Variants in DIS3L2 observed in about 807,000 individuals in gnomAD.
DIS3L2 encodes DIS3 like 3'-5' exoribonuclease 2.
In DIS3L2, 34 loss-of-function variants were observed where a neutral mutation model predicts 97.5. That is an observed-to-expected ratio of 0.35 (90% CI 0.27 to 0.46). The LOEUF (loss-of-function observed/expected upper bound fraction) is 0.46. Among genes scored for constraint, DIS3L2 ranks in the 20% least tolerant of loss-of-function variants. The pLI, the probability that DIS3L2 is intolerant of heterozygous loss-of-function variation, is 1.00. For missense variants in DIS3L2, 1,038 were observed against 1,146.0 expected (o/e 0.91, Z 1.36); for synonymous variants, 435 against 445.2 (o/e 0.98, Z 0.29).
chr2:232,013,996 T>G (rs1694283308), intron 1 of DIS3L2, among the ~76,000 whole-genome samples: 1 of 152,248 alleles, frequency 6.6e-6, no homozygotes, highest in African/African-American at 2.4e-5. Flanking sequence ...CAGAATGACA[T>G]CTTGATTCAT....
chr2:232,007,420 C>T (rs1475800885), intron 1 of DIS3L2, among the ~76,000 whole-genome samples: 1 of 152,160 alleles, frequency 6.6e-6, no homozygotes, highest in African/African-American at 2.4e-5. Context: ...ACTGCAGCCT[C>T]CACCTCTCAG....
At chr2:232,261,584 G>C (rs984797423) in intron 12 of DIS3L2, among the ~76,000 whole-genome samples, 1 of 152,194 alleles carries the variant, frequency 6.6e-6, no homozygotes, top group Admixed American at 6.5e-5. Context: ...CTGGGAGTAA[G>C]AAGAGCTAGA....
At chr2:232,102,593 C>T (rs1697236391) in intron 6 of DIS3L2, among the ~76,000 whole-genome samples, 1 of 152,176 alleles carries the variant, frequency 6.6e-6, no homozygotes, top group South Asian at 2.1e-4. Context: ...TGTGCAAACA[C>T]ACGTGCATAT....
chr2:232,204,241 G>C (rs965528568), intron 9 of DIS3L2, among the ~76,000 whole-genome samples: 2 of 152,206 alleles, frequency 1.3e-5, no homozygotes, highest in African/African-American at 4.8e-5. Context: ...AAAGGAGGTA[G>C]AGATGTTAAT....
intron 3 of DIS3L2, among the ~76,000 whole-genome samples, chr2:232,017,390 C>T (rs1191560223): frequency 6.6e-6 from 1 of 152,194 alleles, no homozygotes; most frequent in African/African-American, 2.4e-5. Context: ...TGAGCCACCA[C>T]ACCCAGCCCT....
intron 14 of DIS3L2, 28 bp from the exon 15 acceptor site, chr2:232,329,785 T>TACCCGGGGGGGGCC: frequency 2.1e-6 from 2 of 967,144 alleles, no homozygotes; most frequent in Non-Finnish European, 1.5e-6. Flanking sequence ...ACCCCAGCGG[T>TACCCGGGGGGGGCC]CCCTCCCATC....
intron 9 of DIS3L2, among the ~76,000 whole-genome samples, chr2:232,189,429 G>A (rs1691549540): frequency 6.6e-6 from 1 of 152,174 alleles, no homozygotes; most frequent in African/African-American, 2.4e-5. Context: ...CAACAGCTTG[G>A]ATGGATCTTC....
chr2:232,341,781 C>T (rs1696106200), downstream of DIS3L2, among the ~76,000 whole-genome samples: 1 of 149,868 alleles, frequency 6.7e-6, no homozygotes. Context: ...GTTGCAGGCC[C>T]AGGCCTTAAG....
At chr2:232,257,399 T>C (rs955584803) in intron 12 of DIS3L2, among the ~76,000 whole-genome samples, 1 of 152,198 alleles carries the variant, frequency 6.6e-6, no homozygotes, top group African/African-American at 2.4e-5. Flanking sequence ...TTCAGACACT[T>C]GCTTCTTGGC....
At chr2:232,020,711 A>G (rs1248969352) in intron 3 of DIS3L2, among the ~76,000 whole-genome samples, 1 of 152,100 alleles carries the variant, frequency 6.6e-6, no homozygotes, top group Non-Finnish European at 1.5e-5. Flanking sequence ...CTTGAATGTG[A>G]TGTGAAAGCG....
chr2:232,196,392 A>C (rs1448322264), intron 9 of DIS3L2, among the ~76,000 whole-genome samples: 1 of 152,232 alleles, frequency 6.6e-6, no homozygotes, highest in African/African-American at 2.4e-5. Context: ...AAATAATCTC[A>C]ATATTTTATA....
intron 9 of DIS3L2, among the ~76,000 whole-genome samples, chr2:232,185,948 G>A (rs944229254): frequency 1.4e-4 from 21 of 151,684 alleles, no homozygotes; most frequent in Middle Eastern, 7.0e-3. Context: ...ATTGGAAAAC[G>A]GTAGAGAAAA....
intron 5 of DIS3L2, among the ~76,000 whole-genome samples, chr2:232,077,955 C>CCCTTTCTTTCTTTCTTTCTT (rs1315257446): frequency 9.2e-6 from 1 of 108,772 alleles, no homozygotes; most frequent in Non-Finnish European, 1.8e-5. Flanking sequence ...TTCTTTCTTT[C>CCCTTTCTTTCTTTCTTTCTT]TCTTTCTTTC....
At chr2:232,024,362 G>T in intron 4 of DIS3L2, 32 bp downstream of exon 4, 1 of 1,522,242 alleles carries the variant, frequency 6.6e-7, no homozygotes, top group Non-Finnish European at 9.0e-7. Flanking sequence ...TAAACTTTAT[G>T]TCACATTTAA....
In DIS3L2 at chr2:232,087,635, G is replaced by A. The variant is rs776441650; in HGVS notation, c.515G>A (p.Gly172Asp). The A allele has an allele frequency of 1.2e-6, 2 of 1,614,190 alleles. No homozygotes were observed. The highest frequency in any genetic ancestry group is 1.1e-5 in the South Asian group (1 of 91,074). ...GTCATTGTAGAGGCTCAGTTTGATG[G>A]CAGCGACTCAGAAGATGGACATGGC... ...PDVIVEAQFD[G>D]SDSEDGHGIT... is the part of the protein sequence containing the mutation. Residue 172 changes from glycine to aspartate, a missense_variant, in exon 6 of 21, where the codon GGC becomes GAC. Physicochemically the swap from Gly to Asp is moderately conservative, Grantham distance 94 (BLOSUM62 -1). Around this residue, in one of 3 missense-constraint regions of DIS3L2, gnomAD observed 813 missense variants for 880.1 expected, o/e 0.92. Coordinates refer to ENST00000325385, the MANE Select transcript of DIS3L2 (RefSeq NM_152383.5).
intron 6 of DIS3L2, among the ~76,000 whole-genome samples, chr2:232,088,390 CAAAAAAAAAAAA>C (rs778505065): frequency 1.8e-5 from 1 of 55,716 alleles, no homozygotes. Flanking sequence ...ACTAAAAATA[CAAAAAAAAAAAA>C]AAAAAAAAAA....
intron 5 of DIS3L2, among the ~76,000 whole-genome samples, chr2:232,086,343 ATATATGTATATATATGTGTATATG>A (rs1559612549): frequency 7.7e-6 from 1 of 130,268 alleles, no homozygotes; most frequent in Non-Finnish European, 1.6e-5. Context: ...GTATATATAC[ATATATGTATATATATGTGTATATG>A]TATATGTATA....
intron 5 of DIS3L2, among the ~76,000 whole-genome samples, chr2:232,086,615 A>ATATATATATATATACACACATATATATG (rs1559613222): frequency 1.8e-5 from 1 of 54,546 alleles, no homozygotes; most frequent in African/African-American, 5.8e-5. Flanking sequence ...GTGTGTGTGT[A>ATATATATATATATACACACATATATATG]TATATATATA....
At chr2:232,076,152 C>A (rs3100626) in intron 5 of DIS3L2, among the ~76,000 whole-genome samples, 120,589 of 152,018 alleles carry the variant, frequency 0.79, 48,451 homozygotes, top group African/African-American at 0.9. Flanking sequence ...TTCCTTTCTC[C>A]CTCTTGTTGT....
Sources: gnomAD v4.1 joint callset for allele counts (sites outside exome capture counted in the v4.1 genomes callset) on GRCh38, gnomAD v4.1.1 for gene constraint, gnomAD v4.1.1 regional missense constraint, MANE v1.5 for transcripts, NCBI Gene and HGNC (gene_info 2026-07-23, HGNC 2026-07-21) for gene names.